CDH7: variants seen among roughly 807,000 people sequenced by gnomAD.
CDH7 encodes the protein cadherin 7.
CDH7 carries 25 observed loss-of-function variants against 71.8 expected under a neutral mutation model. The ratio of observed to expected loss-of-function variants is 0.35; its 90% CI spans 0.25 to 0.49. The LOEUF is 0.49. CDH7 is among the 20% of genes least tolerant of loss of function. The probability of loss-of-function intolerance (pLI) is 0.99; values close to 1 mark genes in which losing one functional copy is unlikely to be tolerated. For synonymous variants in CDH7, 381 were observed against 363.8 expected (o/e 1.05, Z -0.54); for missense variants, 862 against 974.6 (o/e 0.88, Z 1.54).
At chr18:65,798,883 G>A (rs748869466) in intron 2 of CDH7, among the ~76,000 whole-genome samples, 42 of 152,162 alleles carry the variant, frequency 2.8e-4, no homozygotes, top group Non-Finnish European at 5.3e-4. Flanking sequence ...GAGGCACGCA[G>A]GGGATCTGGG....
chr18:65,863,845 A>T (rs1305993482), intron 11 of CDH7: 2 of 152,194 alleles, frequency 1.3e-5, no homozygotes, highest in Non-Finnish European at 2.9e-5. Flanking sequence ...GGAGATGTCC[A>T]ATGTGGACAC....
chr18:65,815,751 G>T (rs1911700904), intron 4 of CDH7, among the ~76,000 whole-genome samples: 1 of 152,174 alleles, frequency 6.6e-6, no homozygotes, highest in South Asian at 2.1e-4. Context: ...AGAAGTAAAT[G>T]AAAGTATTTG....
intron 7 of CDH7, among the ~76,000 whole-genome samples, chr18:65,850,548 G>A (rs971090303): frequency 6.6e-6 from 1 of 151,396 alleles, no homozygotes; most frequent in Non-Finnish European, 1.5e-5. Flanking sequence ...TCTTGCAGCT[G>A]TCTGTTTAAG....
intron 9 of CDH7, 24 bp from the exon 10 acceptor site, chr18:65,859,684 A>G: frequency 1.4e-6 from 2 of 1,426,366 alleles, no homozygotes; most frequent in East Asian, 2.3e-5. Context: ...ATGTGCTTTC[A>G]TCTTTTACTT....
At chr18:65,860,964 A>C (rs1913543151) in intron 10 of CDH7, among the ~76,000 whole-genome samples, 1 of 152,200 alleles carries the variant, frequency 6.6e-6, no homozygotes, top group African/African-American at 2.4e-5. Context: ...TCACTGACTT[A>C]ATCATAGTTA....
At position 65,852,535 on chromosome 18, in the gene CDH7, C is replaced by T. The variant is rs79641781; in HGVS notation, c.1236-5281C>T. On this transcript the variant is annotated intron_variant, in intron 7 of 11. Transcript: ENST00000397968. Reference sequence around the variant, plus strand: ...CTGGATCTCTTCCATTGTGTTTGTGCCCCAGGTGAGAGAAAGGGGGAGGGC... The same window carrying T: ...CTGGATCTCTTCCATTGTGTTTGTGTCCCAGGTGAGAGAAAGGGGGAGGGC... Among the ~76,000 whole-genome samples, 399 of 152,142 alleles carry T rather than the reference C, an allele frequency of 2.6e-3. 2 individuals carry two copies. The highest frequency in any genetic ancestry group is 9.3e-3 in the African/African-American group (384 of 41,500).
chr18:65,759,284 A>G (rs1916118395), intron 1 of CDH7, among the ~76,000 whole-genome samples: 1 of 148,014 alleles, frequency 6.8e-6, no homozygotes, highest in Non-Finnish European at 1.5e-5. Flanking sequence ...TCTCGCTGTC[A>G]CCCAGGCTAG....
chr18:65,861,893 A>G (rs548374697), intron 10 of CDH7, among the ~76,000 whole-genome samples: 9 of 152,158 alleles, frequency 5.9e-5, no homozygotes, highest in Admixed American at 2.0e-4. Flanking sequence ...AAAAAATCTC[A>G]TAAATACTCT....
intron 2 of CDH7, chr18:65,803,170 A>T (rs1290204019): frequency 1.3e-5 from 2 of 152,148 alleles, no homozygotes; most frequent in African/African-American, 4.8e-5. Context: ...AAGACAGCAC[A>T]ACATGGAGCA....
At chr18:65,837,621 A>C (rs1001311061) in intron 6 of CDH7, among the ~76,000 whole-genome samples, 12 of 152,164 alleles carry the variant, frequency 7.9e-5, no homozygotes, top group Non-Finnish European at 1.8e-4. Context: ...AGGGCAGAAA[A>C]AAGATTTACA....
chr18:65,792,196 T>C (rs1910737966), intron 2 of CDH7, among the ~76,000 whole-genome samples: 2 of 146,466 alleles, frequency 1.4e-5, no homozygotes, highest in Admixed American at 1.3e-4. Context: ...TTTTTTTTTT[T>C]TTTTTTTTTT....
Position 65,806,499 on chromosome 18 carries a change from A to T in CDH7, c.211-3205A>T, listed in dbSNP as rs114602423. On this transcript the variant is annotated intron_variant, in intron 2 of 11. Transcript: ENST00000397968. ...TGATTCCTATTCTGCCCCCAAATAG[A>T]GCACAAATACTTGTCTTTGGTTGCG... 3.8e-3 allele frequency among the ~76,000 whole-genome samples: 582 copies of T among 152,248 alleles called. 6 individuals are homozygous for T. Among genetic ancestry groups the T allele is most frequent in the African/African-American group, 7.9e-3 (328 of 41,542 alleles).
At chr18:65,823,881 T>G (rs1912029194) in intron 5 of CDH7, among the ~76,000 whole-genome samples, 1 of 151,614 alleles carries the variant, frequency 6.6e-6, no homozygotes, top group Admixed American at 6.6e-5. Flanking sequence ...AATGAAGGAA[T>G]ATAGCATGCT....
chr18:65,843,850 G>A lies in CDH7; in HGVS notation c.1020G>A (p.Arg340=). ...AAGCCAAAACAAGTTACACGCTACG[G>A]ATAGAAGCTGCAAATAAAGATGCCG... ...DFEAKTSYTL[R]IEAANKDADP... Residue 340 remains arginine (R), a synonymous_variant, in exon 7 of 12, where the codon CGG becomes CGA. Coordinates refer to ENST00000397968, the MANE Select transcript of CDH7 (RefSeq NM_004361.5). The A allele has an allele frequency of 2.5e-6, 4 of 1,581,928 alleles. No homozygotes were observed. In the Admixed American group the frequency reaches 5.3e-5, roughly 21 times the overall value.
chr18:65,863,034 TTGTTTTGTTTTG>T (rs1225351063), intron 11 of CDH7, 117 bp downstream of exon 11: 1 of 1,134,540 alleles, frequency 8.8e-7, no homozygotes, highest in Non-Finnish European at 1.3e-6. Context: ...TGGATGGTGT[TTGTTTTGTTTTG>T]TTTTTCTTTG....
chr18:65,824,567 G>A (rs369499184), intron 5 of CDH7, 77 bp from the exon 6 acceptor site: 1 of 947,870 alleles, frequency 1.1e-6, no homozygotes, highest in Non-Finnish European at 1.5e-6. Context: ...CTACAATGAT[G>A]CCAAAATAAC....
chr18:65,768,432 C>T (rs1916443556), intron 2 of CDH7, among the ~76,000 whole-genome samples: 1 of 152,244 alleles, frequency 6.6e-6, no homozygotes, highest in East Asian at 1.9e-4. Flanking sequence ...ACGAGGGTTT[C>T]ACCATGTAGG....
chr18:65,813,556 A>G (rs1006277281), intron 3 of CDH7, among the ~76,000 whole-genome samples: 8 of 152,120 alleles, frequency 5.3e-5, no homozygotes, highest in African/African-American at 1.9e-4. Flanking sequence ...TAGCTTTAAA[A>G]TGTTGTATTC....
chr18:65,856,235 AAC>A (rs914243530), intron 7 of CDH7, among the ~76,000 whole-genome samples: 41 of 152,292 alleles, frequency 2.7e-4, no homozygotes, highest in African/African-American at 9.9e-4. Context: ...CTGCCCTACA[AAC>A]ACACTTTCAA....
Sources: allele counts gnomAD v4.1 joint callset (sites outside exome capture counted in the v4.1 genomes callset), GRCh38; gene constraint gnomAD v4.1.1; transcripts MANE v1.5; gene names NCBI Gene and HGNC (gene_info 2026-07-23, HGNC 2026-07-21).